Variants in TMEM26 observed in about 807,000 individuals in gnomAD.
TMEM26 encodes the protein transmembrane protein 26.
A neutral mutation model predicts 28.8 loss-of-function variants in TMEM26; 38 were observed. The ratio of observed to expected loss-of-function variants is 1.32; its 90% CI spans 1.02 to 1.73. TMEM26 has a LOEUF of 1.73. Ranked by LOEUF, TMEM26 falls within the 40% of genes most tolerant of loss-of-function variation. TMEM26 has a pLI of 0.00. For missense variants in TMEM26, 518 were observed against 447.1 expected, an observed-to-expected ratio of 1.16 and a Z score of -1.43; for synonymous variants, 227 against 182.9, an observed-to-expected ratio of 1.24 and a Z score of -1.95.
rs372162862 is a variant in TMEM26 at position 61,431,295 on chromosome 10, G to T, written c.308C>A (p.Thr103Asn). 4 of 1,612,924 alleles carry T rather than the reference G, an allele frequency of 2.5e-6. No individual in the cohort carries two copies. The highest frequency in any genetic ancestry group is 3.4e-6 in the Non-Finnish European group (4 of 1,179,318). ...SIQAEGTSQN[T>N]SRKEDFNQTL... ...TTGATTGAAGTCTTCTTTTCTGCTG[G>T]TATTCTGTGATGTTCCTTCAGCCTG... The change falls in exon 3 of 6, where the codon ACC becomes AAC. Residue 103 changes from threonine to asparagine, a missense_variant. Thr to Asn is a moderately conservative substitution (Grantham distance 65). Transcript: ENST00000399298.
chr10:61,450,127 G>C (rs1181067531), intron 1 of TMEM26, among the ~76,000 whole-genome samples: 2 of 151,814 alleles, frequency 1.3e-5, no homozygotes, highest in East Asian at 3.9e-4. Flanking sequence ...TTCACATATG[G>C]GTACCTTTAG....
At chr10:61,427,233 T>C (rs1357153963) in intron 4 of TMEM26, among the ~76,000 whole-genome samples, 2 of 152,082 alleles carry the variant, frequency 1.3e-5, no homozygotes, top group African/African-American at 2.4e-5. Context: ...GCATTCAGAT[T>C]AATTGGTAGG....
Position 61,410,391 on chromosome 10 carries a change from A to G in TMEM26, c.1038T>C (p.Ser346=). The change falls in exon 6 of 6, where the codon TCT becomes TCC. Residue 346 remains serine (S), a synonymous_variant. Transcript: ENST00000399298. ...GPSQRDWQNE[S]KEGLAIPLRG... ...GCAAAGGAATAGCCAGGCCCTCCTT[A>G]GACTCGTTCTGCCAGTCCCGCTGAG... 6.2e-7 allele frequency: 1 copy of G among 1,614,054 alleles called. No individual in the cohort carries two copies.
intron 4 of TMEM26, among the ~76,000 whole-genome samples, chr10:61,427,555 AAC>A (rs2135306788): frequency 6.6e-6 from 1 of 152,224 alleles, no homozygotes; most frequent in South Asian, 2.1e-4. Flanking sequence ...TTTATTGGAA[AAC>A]ACAGATCTAT....
chr10:61,431,809 G>A (rs1449493040), intron 2 of TMEM26, among the ~76,000 whole-genome samples: 2 of 151,858 alleles, frequency 1.3e-5, no homozygotes, highest in Non-Finnish European at 2.9e-5. Context: ...GAGGCTTGGT[G>A]TATGAAGAAT....
At chr10:61,440,364 A>G (rs951088466) in intron 1 of TMEM26, among the ~76,000 whole-genome samples, 10 of 152,154 alleles carry the variant, frequency 6.6e-5, no homozygotes, top group Non-Finnish European at 1.3e-4. Flanking sequence ...TGTTGAGGCA[A>G]TTACTGTCAC....
intron 4 of TMEM26, among the ~76,000 whole-genome samples, chr10:61,419,694 G>A (rs1185794022): frequency 6.6e-6 from 1 of 151,972 alleles, no homozygotes; most frequent in African/African-American, 2.4e-5. Flanking sequence ...GAGACCTGTG[G>A]AACACAGTCA....
In TMEM26 at chr10:61,409,706, G is replaced by C. The variant is rs892518380; in HGVS notation, c.*616C>G. The C allele has an allele frequency of 1.3e-5, 2 of 152,276 alleles. No individual in the cohort carries two copies. Among genetic ancestry groups the C allele is most frequent in the African/African-American group, 2.4e-5 (1 of 41,428 alleles). The allele number at this position is 152,276 out of a possible 1,614,324, so 9.4% of individuals were successfully genotyped here. On this transcript the variant is annotated 3_prime_UTR_variant, in exon 6 of 6. Coordinates refer to ENST00000399298, the MANE Select transcript of TMEM26 (RefSeq NM_178505.8). The stretch of plus-strand genomic sequence containing the variant: ...GACAAAAGCAATAAAATTTCTGTAA[G>C]AACATATGCGCCATGGCAGAATACA...
rs370342752 is a variant in TMEM26 at position 61,428,924 on chromosome 10, A to G, written c.605+2T>C. 2.0e-5 allele frequency: 32 copies of G among 1,612,630 alleles called. No homozygotes were observed. In the East Asian group the frequency reaches 3.1e-4, roughly 16 times the overall value. ...GGTGTTTTTGCTGCAAGGAATGCTC[A>G]CCTCACATTTTGTTCTTCTAGGGTC... On this transcript the variant is annotated splice_donor_variant, in intron 4 of 5. Transcript: ENST00000399298. LOFTEE classifies it high-confidence loss of function.
chr10:61,420,853 A>T (rs114404590), intron 4 of TMEM26, among the ~76,000 whole-genome samples: 1 of 152,100 alleles, frequency 6.6e-6, no homozygotes, highest in South Asian at 2.1e-4. Flanking sequence ...AATGAAGTGC[A>T]TGAAAATGAT....
At chr10:61,441,981 A>C (rs1363868502) in intron 1 of TMEM26, among the ~76,000 whole-genome samples, 1 of 152,110 alleles carries the variant, frequency 6.6e-6, no homozygotes, top group Non-Finnish European at 1.5e-5. Context: ...CAGGAGCACC[A>C]TCTCAAAGGA....
intron 2 of TMEM26, among the ~76,000 whole-genome samples, chr10:61,431,606 T>C (rs1280880262): frequency 1.3e-5 from 2 of 152,142 alleles, no homozygotes; most frequent in African/African-American, 4.8e-5. Context: ...GTAGAATTTA[T>C]AGATTGGTAA....
intron 4 of TMEM26, among the ~76,000 whole-genome samples, chr10:61,419,903 A>G (rs983981897): frequency 6.6e-6 from 1 of 152,180 alleles, no homozygotes; most frequent in Non-Finnish European, 1.5e-5. Context: ...CAAAGAGGAA[A>G]GAAAATCTTT....
At chr10:61,430,561 A>G (rs960579259) in intron 3 of TMEM26, among the ~76,000 whole-genome samples, 12 of 148,592 alleles carry the variant, frequency 8.1e-5, no homozygotes, top group African/African-American at 3.1e-4. Flanking sequence ...AGAAAATCCC[A>G]AAGAACTGAC....
chr10:61,423,795 G>A (rs540001345), intron 4 of TMEM26, among the ~76,000 whole-genome samples: 1 of 152,192 alleles, frequency 6.6e-6, no homozygotes, highest in Admixed American at 6.6e-5. Flanking sequence ...GTCAAGGTTG[G>A]TTTAATATCT....
At chr10:61,438,686 T>C (rs963502952) in intron 1 of TMEM26, among the ~76,000 whole-genome samples, 2 of 152,226 alleles carry the variant, frequency 1.3e-5, no homozygotes, top group African/African-American at 2.4e-5. Context: ...ACTGGTTATA[T>C]AAACAAACAA....
At chr10:61,444,951 TA>T (rs1840155645) in intron 1 of TMEM26, among the ~76,000 whole-genome samples, 1 of 152,182 alleles carries the variant, frequency 6.6e-6, no homozygotes, top group South Asian at 2.1e-4. Flanking sequence ...CCTGGCTCAA[TA>T]AATGTGAGTG....
At chr10:61,452,335 G>A (rs1840299406) in intron 1 of TMEM26, among the ~76,000 whole-genome samples, 3 of 152,378 alleles carry the variant, frequency 2.0e-5, no homozygotes, top group Admixed American at 1.3e-4. Flanking sequence ...AGCTGGCGCT[G>A]TGCTAGAGAA....
intron 3 of TMEM26, among the ~76,000 whole-genome samples, chr10:61,430,468 C>T (rs187814340): frequency 4.2e-4 from 62 of 149,330 alleles, no homozygotes; most frequent in African/African-American, 1.0e-3. Context: ...TTCAATAAGA[C>T]GAGAAAATAA....
Sources: allele counts gnomAD v4.1 joint callset (sites outside exome capture counted in the v4.1 genomes callset), GRCh38; gene constraint gnomAD v4.1.1; transcripts MANE v1.5; gene names NCBI Gene and HGNC (gene_info 2026-07-23, HGNC 2026-07-21).